The following CFAP44 variants were observed in gnomAD, a reference collection of about 807,000 sequenced individuals.
CFAP44 encodes the protein cilia and flagella associated protein 44.
In CFAP44, 134 loss-of-function variants were observed where a neutral mutation model predicts 216.2. The ratio of observed to expected loss-of-function variants is 0.62; its 90% CI spans 0.54 to 0.72. The LOEUF is 0.72. Among genes scored for constraint, CFAP44 ranks in the 30% least tolerant of loss-of-function variants. The pLI, the probability that CFAP44 is intolerant of heterozygous loss-of-function variation, is 0.00. For synonymous variants in CFAP44, 700 were observed against 727.6 expected, an observed-to-expected ratio of 0.96 and a Z score of 0.61; for missense variants, 2,035 against 2,182.1, an observed-to-expected ratio of 0.93 and a Z score of 1.34.
intron 14 of CFAP44, 123 bp downstream of exon 14, chr3:113,396,395 C>T: frequency 5.3e-6 from 6 of 1,127,516 alleles, no homozygotes; most frequent in Non-Finnish European, 4.9e-6. Context: ...ACAAAGAAAG[C>T]AAAATGTGAA....
At chr3:113,303,882 C>G in intron 32 of CFAP44, 34 bp downstream of exon 32, 1 of 1,534,170 alleles carries the variant, frequency 6.5e-7, no homozygotes, top group Non-Finnish European at 8.7e-7. Flanking sequence ...TACCAATAAA[C>G]CTTACTAGCA....
At chr3:113,325,238 T>G (rs1479666267) in intron 28 of CFAP44, among the ~76,000 whole-genome samples, 1 of 148,982 alleles carries the variant, frequency 6.7e-6, no homozygotes, top group Non-Finnish European at 1.5e-5. Context: ...AGGGCGGAGC[T>G]TGCAGTGAGC....
intron 21 of CFAP44, among the ~76,000 whole-genome samples, chr3:113,362,141 A>G (rs1371724502): frequency 6.6e-6 from 1 of 152,000 alleles, no homozygotes; most frequent in African/African-American, 2.4e-5. Flanking sequence ...GAGGGAGAAC[A>G]TATCAATATG....
rs1413584958 is a variant in CFAP44, at chr3:113,366,225, G to A, written c.2529C>T (p.Thr843=). 6.2e-7 allele frequency: 1 copy of A among 1,613,834 alleles called. No individual in the cohort carries two copies. The highest frequency in any genetic ancestry group is 1.1e-5 in the South Asian group (1 of 91,034). The change falls in exon 19 of 35, where the codon ACC becomes ACT. Residue 843 remains threonine (T), a synonymous_variant. Coordinates refer to ENST00000393845, the MANE Select transcript of CFAP44 (RefSeq NM_001164496.2). The stretch of plus-strand genomic sequence containing the variant: ...TGAAGTGCCAGTAGTCCACCAAACT[G>A]GTCAATGAAGGATCATTTTGATTTA... ...YVLNQNDPSL[T]SLVDYWHFNM...
chr3:113,435,590 A>C (rs1408965187), intron 1 of CFAP44, among the ~76,000 whole-genome samples: 1 of 151,632 alleles, frequency 6.6e-6, no homozygotes, highest in East Asian at 1.9e-4. Context: ...ATGGCCAGGC[A>C]TAGTGAGGTA....
At position 113,400,619 on chromosome 3, in the gene CFAP44, G is replaced by A. The variant is rs1934115313; in HGVS notation, c.1400C>T (p.Ser467Phe). 1 of 1,610,820 alleles carries A rather than the reference G, an allele frequency of 6.2e-7. No individual in the cohort carries two copies. The highest frequency in any genetic ancestry group is 1.1e-5 in the South Asian group (1 of 90,724). ...NITQDPECLFSFHSGAIEAVA... is the reference protein window; with the variant it reads ...NITQDPECLFFFHSGAIEAVA... ...GGCTTCAATAGCTCCAGAATGGAAG[G>A]AGAAGAGGCATTCTGGGTCCTGGGT... The change falls in exon 12 of 35, where the codon TCC becomes TTC. Residue 467 changes from serine to phenylalanine, a missense_variant. Physicochemically the swap from Ser to Phe is radical, Grantham distance 155 (BLOSUM62 -2). This residue lies in a region of CFAP44 where 1,883 missense variants were observed against 2,023.7 expected (regional missense o/e 0.93). Coordinates refer to ENST00000393845, the MANE Select transcript of CFAP44 (RefSeq NM_001164496.2).
At chr3:113,309,874 T>G (rs77523117) in intron 28 of CFAP44, among the ~76,000 whole-genome samples, 1 of 152,052 alleles carries the variant, frequency 6.6e-6, no homozygotes, top group Non-Finnish European at 1.5e-5. Context: ...AACAGATCTA[T>G]AGACACAGAA....
At chr3:113,300,672 A>G (rs1949926001) in intron 32 of CFAP44, among the ~76,000 whole-genome samples, 1 of 152,076 alleles carries the variant, frequency 6.6e-6, no homozygotes, top group South Asian at 2.1e-4. Context: ...CAAACAAATC[A>G]AGAGAAAAAT....
At chr3:113,328,717 A>AAAC (rs1950213964) in intron 26 of CFAP44, among the ~76,000 whole-genome samples, 1 of 146,200 alleles carries the variant, frequency 6.8e-6, no homozygotes, top group Non-Finnish European at 1.5e-5. Context: ...AAAAAAAAAA[A>AAAC]AAAAAAAAAA....
intron 18 of CFAP44, among the ~76,000 whole-genome samples, chr3:113,369,387 C>A (rs965989331): frequency 6.6e-6 from 1 of 152,192 alleles, no homozygotes; most frequent in Middle Eastern, 3.2e-3. Flanking sequence ...GTCTCTCAGA[C>A]CACAGTGCAA....
intron 28 of CFAP44, among the ~76,000 whole-genome samples, chr3:113,317,640 G>A (rs750745065): frequency 1.3e-5 from 2 of 152,192 alleles, no homozygotes; most frequent in African/African-American, 2.4e-5. Context: ...CTCCAGGGCC[G>A]TGGTGCACAG....
intron 28 of CFAP44, among the ~76,000 whole-genome samples, chr3:113,322,145 C>T (rs545099549): frequency 5.1e-4 from 78 of 152,294 alleles, no homozygotes; most frequent in Non-Finnish European, 4.9e-4. Context: ...ACCAAAACAG[C>T]ACAGTACTGG....
At chr3:113,314,832 G>T (rs1163027257) in intron 28 of CFAP44, among the ~76,000 whole-genome samples, 2 of 152,122 alleles carry the variant, frequency 1.3e-5, no homozygotes, top group Non-Finnish European at 2.9e-5. Flanking sequence ...ATGGCAAAAT[G>T]ATGACATTGC....
chr3:113,319,633 ATTC>A (rs1950123635), intron 28 of CFAP44, among the ~76,000 whole-genome samples: 1 of 151,810 alleles, frequency 6.6e-6, no homozygotes, highest in Admixed American at 6.6e-5. Flanking sequence ...TAGAATATAC[ATTC>A]TTCTCATCTG....
At chr3:113,381,374 G>C (rs924243340) in intron 15 of CFAP44, among the ~76,000 whole-genome samples, 7 of 152,152 alleles carry the variant, frequency 4.6e-5, no homozygotes, top group Non-Finnish European at 8.8e-5. Flanking sequence ...ATGAATATAT[G>C]TGGTTGTGAA....
chr3:113,401,701 T>G lies in CFAP44; in HGVS notation c.1209A>C (p.Ile403=). The change falls in exon 10 of 35, where the codon ATA becomes ATC. Residue 403 remains isoleucine (I), a synonymous_variant. Transcript: ENST00000393845. The stretch of plus-strand genomic sequence containing the variant: ...CAATCTCCAACAATCCAGTCTCATC[T>G]ATTACATCAGCAGTGTCTATTGTCT... ...DFETIDTADV[I]DETGLLEIEP... 1 of 1,613,520 alleles carries G rather than the reference T, an allele frequency of 6.2e-7. No individual in the cohort carries two copies. The highest frequency in any genetic ancestry group is 1.3e-5 in the African/African-American group (1 of 75,020).
chr3:113,416,638 TAAAATTTCACC>T lies in CFAP44; in HGVS notation c.571-22_571-12del. ...TTTATGTGGATGAACCTACAAAAGATAAAATTTCACCAAAATATTAAAAGAAAGATTTTTGT... is the reference window on the plus strand; with the variant it reads ...TTTATGTGGATGAACCTACAAAAGATAAAATATTAAAAGAAAGATTTTTGT... On this transcript the variant is annotated splice_polypyrimidine_tract_variant and intron_variant, in intron 5 of 34. Coordinates refer to ENST00000393845, the MANE Select transcript of CFAP44 (RefSeq NM_001164496.2). 1 of 1,573,748 alleles carries T rather than the reference TAAAATTTCACC, an allele frequency of 6.4e-7. No individual in the cohort carries two copies. The highest frequency in any genetic ancestry group is 8.7e-7 in the Non-Finnish European group (1 of 1,153,670).
At chr3:113,328,091 C>T (rs1448989308) in intron 26 of CFAP44, among the ~76,000 whole-genome samples, 1 of 151,898 alleles carries the variant, frequency 6.6e-6, no homozygotes, top group Non-Finnish European at 1.5e-5. Flanking sequence ...GCCCTTCTTG[C>T]TTTACTGTGT....
chr3:113,430,940 G>C (rs907792043), intron 2 of CFAP44, among the ~76,000 whole-genome samples: 1 of 152,164 alleles, frequency 6.6e-6, no homozygotes, highest in African/African-American at 2.4e-5. Flanking sequence ...AGAAATGATG[G>C]ATGGTTTAGC....
Sources: gnomAD v4.1 joint callset for allele counts (sites outside exome capture counted in the v4.1 genomes callset) on GRCh38, gnomAD v4.1.1 for gene constraint, gnomAD v4.1.1 regional missense constraint, MANE v1.5 for transcripts, NCBI Gene and HGNC (gene_info 2026-07-23, HGNC 2026-07-21) for gene names.